The following LRRTM4 variants were observed in gnomAD, a reference collection of about 807,000 sequenced individuals.
LRRTM4 encodes the protein leucine-rich repeat transmembrane neuronal protein 4.
Under a neutral mutation model 47.6 loss-of-function variants are expected in LRRTM4, and 25 were observed. That is an observed-to-expected ratio of 0.53 (90% CI 0.38 to 0.73). The LOEUF is 0.73. Among genes scored for constraint, LRRTM4 ranks in the 30% least tolerant of loss-of-function variants. LRRTM4 has a pLI of 0.00. For missense variants in LRRTM4, 638 were observed against 713.4 expected, an observed-to-expected ratio of 0.89 and a Z score of 1.20; for synonymous variants, 311 against 269.5, an observed-to-expected ratio of 1.15 and a Z score of -1.51.
intron 3 of LRRTM4, among the ~76,000 whole-genome samples, chr2:77,344,160 A>C (rs1401187067): frequency 6.6e-6 from 1 of 151,880 alleles, no homozygotes; most frequent in African/African-American, 2.4e-5. Context: ...CATAATATTA[A>C]CATATTCAAG....
rs545727965 is a variant in LRRTM4, at chr2:77,337,101, G to C, written c.1551+181217C>G. ...ACATTCAAGCTGAGAACCAATTTAA[G>C]ACTGTAATTACATTTACAACAGACA... On this transcript the variant is annotated intron_variant, in intron 3 of 3. Coordinates refer to ENST00000409884, the MANE Select transcript of LRRTM4 (RefSeq NM_001134745.3). 2.0e-5 allele frequency among the ~76,000 whole-genome samples: 3 copies of C among 152,136 alleles called. No individual in the cohort carries two copies. In the South Asian group the frequency reaches 6.2e-4, roughly 32 times the overall value.
At chr2:76,998,217 T>G (rs1227073229) in intron 3 of LRRTM4, among the ~76,000 whole-genome samples, 1 of 152,060 alleles carries the variant, frequency 6.6e-6, no homozygotes, top group Non-Finnish European at 1.5e-5. Flanking sequence ...GGACTGCTGA[T>G]CTATGGAGTA....
intron 3 of LRRTM4, among the ~76,000 whole-genome samples, chr2:77,492,801 A>G (rs1249067685): frequency 6.6e-6 from 1 of 152,144 alleles, no homozygotes; most frequent in Admixed American, 6.6e-5. Context: ...AACATTATAC[A>G]ATGTGAATAT....
At chr2:76,900,227 C>G (rs1417790419) in intron 3 of LRRTM4, among the ~76,000 whole-genome samples, 1 of 152,032 alleles carries the variant, frequency 6.6e-6, no homozygotes, top group Non-Finnish European at 1.5e-5. Context: ...GAGCAAGACT[C>G]TGTCTCAAAA....
chr2:76,900,043 A>G (rs1673569868), intron 3 of LRRTM4, among the ~76,000 whole-genome samples: 1 of 152,152 alleles, frequency 6.6e-6, no homozygotes, highest in South Asian at 2.1e-4. Flanking sequence ...AGCCTGACCA[A>G]TATGGTGAAA....
At chr2:76,976,889 G>A (rs115188647) in intron 3 of LRRTM4, among the ~76,000 whole-genome samples, 23 of 151,890 alleles carry the variant, frequency 1.5e-4, no homozygotes, top group African/African-American at 5.5e-4. Context: ...TGATAGCTAT[G>A]CTAATGACCC....
chr2:77,216,703 C>T (rs192123040), intron 3 of LRRTM4, among the ~76,000 whole-genome samples: 1 of 152,234 alleles, frequency 6.6e-6, no homozygotes, highest in East Asian at 1.9e-4. Flanking sequence ...GTGACATTAA[C>T]ATAGAATAAA....
intron 3 of LRRTM4, among the ~76,000 whole-genome samples, chr2:77,276,869 T>A (rs1676374578): frequency 6.6e-6 from 1 of 151,448 alleles, no homozygotes; most frequent in Non-Finnish European, 1.5e-5. Flanking sequence ...GAGCTTCATC[T>A]GATAAATGTT....
At chr2:77,178,525 G>T (rs541808740) in intron 3 of LRRTM4, among the ~76,000 whole-genome samples, 1 of 152,216 alleles carries the variant, frequency 6.6e-6, no homozygotes, top group Admixed American at 6.5e-5. Context: ...GGTGGAGGTT[G>T]CAGTGAGTCA....
At chr2:77,497,357 G>T (rs866909751) in intron 3 of LRRTM4, among the ~76,000 whole-genome samples, 19 of 148,808 alleles carry the variant, frequency 1.3e-4, no homozygotes, top group Middle Eastern at 7.0e-3. Context: ...GATTTGCTCT[G>T]TTTTTTTTTA....
chr2:77,190,900 C>A (rs1673651849), intron 3 of LRRTM4, among the ~76,000 whole-genome samples: 2 of 152,062 alleles, frequency 1.3e-5, no homozygotes, highest in African/African-American at 4.8e-5. Flanking sequence ...CAGATACATT[C>A]CTAATGTAGT....
intron 3 of LRRTM4, among the ~76,000 whole-genome samples, chr2:77,110,881 T>C (rs2103933664): frequency 6.6e-6 from 1 of 152,352 alleles, no homozygotes; most frequent in South Asian, 2.1e-4. Context: ...GTGAATACTT[T>C]TAAATTGCCT....
At chr2:76,795,592 T>C (rs557994020) in intron 3 of LRRTM4, among the ~76,000 whole-genome samples, 345 of 108,544 alleles carry the variant, frequency 3.2e-3, no homozygotes, top group Non-Finnish European at 4.5e-3. Flanking sequence ...CACACACACA[T>C]ACACACACAC....
At chr2:77,391,703 A>G (rs149736282) in intron 3 of LRRTM4, among the ~76,000 whole-genome samples, 82 of 152,046 alleles carry the variant, frequency 5.4e-4, no homozygotes, top group Middle Eastern at 3.4e-3. Flanking sequence ...GACTGAATGG[A>G]CCACCCCTCT....
chr2:77,237,574 G>A (rs1447509253), intron 3 of LRRTM4, among the ~76,000 whole-genome samples: 1 of 152,044 alleles, frequency 6.6e-6, no homozygotes, highest in Non-Finnish European at 1.5e-5. Context: ...TTTGATTTTA[G>A]TTATTTGATT....
At chr2:76,972,159 G>C (rs1168784629) in intron 3 of LRRTM4, among the ~76,000 whole-genome samples, 1 of 151,990 alleles carries the variant, frequency 6.6e-6, no homozygotes, top group Non-Finnish European at 1.5e-5. Context: ...TAGCGAAAAG[G>C]AGAAACCCAA....
intron 3 of LRRTM4, among the ~76,000 whole-genome samples, chr2:77,237,420 C>T (rs1452306953): frequency 6.6e-6 from 1 of 151,876 alleles, no homozygotes; most frequent in Non-Finnish European, 1.5e-5. Flanking sequence ...TCTGATTGTG[C>T]TTATTTTGAT....
intron 3 of LRRTM4, among the ~76,000 whole-genome samples, chr2:77,260,372 A>T (rs1045979990): frequency 9.4e-5 from 11 of 116,456 alleles, no homozygotes; most frequent in African/African-American, 3.4e-4. Flanking sequence ...CTACCAAAAA[A>T]TCGTGTGTGT....
At chr2:76,865,824 T>G (rs966732073) in intron 3 of LRRTM4, among the ~76,000 whole-genome samples, 1 of 152,184 alleles carries the variant, frequency 6.6e-6, no homozygotes, top group African/African-American at 2.4e-5. Context: ...AAATGAAAGA[T>G]GTATTATGAC....
Sources: gnomAD v4.1 joint callset for allele counts (sites outside exome capture counted in the v4.1 genomes callset) on GRCh38, gnomAD v4.1.1 for gene constraint, MANE v1.5 for transcripts, NCBI Gene and HGNC (gene_info 2026-07-23, HGNC 2026-07-21) for gene names.